SVOPL: variants seen among roughly 807,000 people sequenced by gnomAD.
SVOPL encodes the protein SVOP like.
SVOPL carries 60 observed loss-of-function variants against 61.0 expected under a neutral mutation model. The observed-to-expected ratio is 0.98, with a 90% CI of 0.80 to 1.22. SVOPL has a LOEUF of 1.22. Among genes scored for constraint, SVOPL ranks in the 50% most tolerant of loss-of-function variants. The probability of loss-of-function intolerance (pLI) is 0.00; values close to 1 mark genes in which losing one functional copy is unlikely to be tolerated. For synonymous variants in SVOPL, 279 were observed against 250.0 expected, an observed-to-expected ratio of 1.12 and a Z score of -1.09; for missense variants, 662 against 643.9, an observed-to-expected ratio of 1.03 and a Z score of -0.30.
rs566861128 is a variant in SVOPL at position 138,609,809 on chromosome 7, T to G, written c.1353+11237A>C. On this transcript the variant is annotated intron_variant, in intron 14 of 15. Coordinates refer to ENST00000674285, the MANE Select transcript of SVOPL (RefSeq NM_001139456.2). ...ATGCAGTGGCGTGATCTCAGCTCAC[T>G]GCAACCTCCACCTCCCAGTTTCAAT... 1.1e-4 allele frequency among the ~76,000 whole-genome samples: 16 copies of G among 152,066 alleles called. No individual in the cohort carries two copies. The South Asian group carries it at 3.3e-3, about 32-fold the overall frequency.
intron 7 of SVOPL, among the ~76,000 whole-genome samples, chr7:138,651,706 A>T (rs2117034412): frequency 6.6e-6 from 1 of 152,230 alleles, no homozygotes; most frequent in South Asian, 2.1e-4. Context: ...GTTTGGGGGC[A>T]CCGCAAACTG....
At chr7:138,676,321 G>A (rs1395476228) in intron 3 of SVOPL, among the ~76,000 whole-genome samples, 2 of 152,198 alleles carry the variant, frequency 1.3e-5, no homozygotes, top group African/African-American at 4.8e-5. Flanking sequence ...CTGAGACTGG[G>A]CAATTTATAA....
In SVOPL at chr7:138,648,913, CT is replaced by C. The variant is rs1271955819; in HGVS notation, c.660+98del. 5 of 1,545,184 alleles carry C rather than the reference CT, an allele frequency of 3.2e-6. No homozygotes were observed. The African/African-American group carries it at 6.8e-5, about 21-fold the overall frequency. ...CTGCAGCCTGGACAACAAAGAGAGA[CT>C]CTGTCTCGAGGGGGAAAATAAAAGA... On this transcript the variant is annotated intron_variant, in intron 8 of 15. Transcript: ENST00000674285.
intron 1 of SVOPL, among the ~76,000 whole-genome samples, chr7:138,693,529 AAAAGAAAG>A (rs745407235): frequency 0.017 from 1,982 of 117,162 alleles, 25 homozygotes; most frequent in South Asian, 0.023. Context: ...AAAAGAAAGA[AAAAGAAAG>A]AAAGAAAGAA....
At chr7:138,600,832 G>A (rs11981542) in intron 14 of SVOPL, among the ~76,000 whole-genome samples, 11,618 of 152,050 alleles carry the variant, frequency 0.076, 614 homozygotes, top group African/African-American at 0.14. Context: ...AAGCTTTGGC[G>A]AGAATGTAGA....
At position 138,594,656 on chromosome 7, in the gene SVOPL, CTT is replaced by C. The variant is rs775816893; in HGVS notation, c.1468-37_1468-36del. On this transcript the variant is annotated intron_variant, in intron 15 of 15. Transcript: ENST00000674285. ...AGTTATTTAATAGATCAGTAATAGA[CTT>C]TTTAAAAGTCTTGTCCATTCATACT... 5.2e-5 allele frequency: 80 copies of C among 1,533,728 alleles called. 1 individual carries two copies. In the South Asian group the frequency reaches 8.4e-4, roughly 16 times the overall value.
At chr7:138,658,618 C>A (rs34819000) in intron 6 of SVOPL, among the ~76,000 whole-genome samples, 47,611 of 151,874 alleles carry the variant, frequency 0.31, 9,477 homozygotes, top group African/African-American at 0.56. Flanking sequence ...GTTAGTATTT[C>A]CTGTAACAAA....
intron 12 of SVOPL, among the ~76,000 whole-genome samples, chr7:138,626,723 G>A (rs1563100038): frequency 1.3e-5 from 2 of 152,032 alleles, no homozygotes; most frequent in Admixed American, 6.6e-5. Context: ...GTGTGTGCCT[G>A]TAGTCCTAGC....
Position 138,597,504 on chromosome 7 carries a change from C to T in SVOPL, c.1354-974G>A, listed in dbSNP as rs1186799534. Among the ~76,000 whole-genome samples the T allele has an allele frequency of 2.0e-5, 3 of 152,164 alleles. No individual in the cohort carries two copies. In the South Asian group the frequency reaches 6.2e-4, roughly 32 times the overall value. Reference sequence around the variant, plus strand: ...TTCCAAAACACTAAATAATTCCACTCACCGTGCAAACAGAACCCACAACAT... The same window carrying T: ...TTCCAAAACACTAAATAATTCCACTTACCGTGCAAACAGAACCCACAACAT... On this transcript the variant is annotated intron_variant, in intron 14 of 15. Transcript: ENST00000674285.
At chr7:138,615,383 C>T (rs897267903) in intron 14 of SVOPL, among the ~76,000 whole-genome samples, 1 of 152,046 alleles carries the variant, frequency 6.6e-6, no homozygotes, top group Non-Finnish European at 1.5e-5. Context: ...CAGTGAAACC[C>T]GGTCTCTACT....
intron 1 of SVOPL, among the ~76,000 whole-genome samples, chr7:138,695,154 A>G (rs1031394354): frequency 5.3e-5 from 8 of 152,340 alleles, no homozygotes; most frequent in African/African-American, 1.9e-4. Flanking sequence ...ACTAGGTATC[A>G]GACAATAAAA....
At chr7:138,620,737 C>T (rs1799526796) in intron 14 of SVOPL, among the ~76,000 whole-genome samples, 1 of 152,206 alleles carries the variant, frequency 6.6e-6, no homozygotes, top group Non-Finnish European at 1.5e-5. Flanking sequence ...TTAGTGCCCA[C>T]TGTCATTCAA....
At chr7:138,633,747 G>C (rs951413886) in intron 9 of SVOPL, among the ~76,000 whole-genome samples, 1 of 152,130 alleles carries the variant, frequency 6.6e-6, no homozygotes, top group Admixed American at 6.5e-5. Flanking sequence ...GATGAATATG[G>C]GGAAGGTTCA....
At chr7:138,633,259 T>G (rs1800301487) in intron 9 of SVOPL, among the ~76,000 whole-genome samples, 2 of 152,198 alleles carry the variant, frequency 1.3e-5, no homozygotes, top group Non-Finnish European at 1.5e-5. Context: ...AGTTTGGATA[T>G]TTGTCCCCTC....
At chr7:138,693,549 G>GAAAGAAAGAAAGAAAGAA in intron 1 of SVOPL, among the ~76,000 whole-genome samples, 1 of 92,022 alleles carries the variant, frequency 1.1e-5, no homozygotes, top group Non-Finnish European at 2.1e-5. Flanking sequence ...AAGAAAGAAA[G>GAAAGAAAGAAAGAAAGAA]AAAGAAAGAA....
chr7:138,681,231 T>C (rs1272974530), intron 1 of SVOPL, among the ~76,000 whole-genome samples: 1 of 148,024 alleles, frequency 6.8e-6, no homozygotes, highest in Non-Finnish European at 1.5e-5. Context: ...ATTATTATTA[T>C]ATAACATATA....
intron 4 of SVOPL, among the ~76,000 whole-genome samples, chr7:138,665,961 A>C (rs1468205644): frequency 6.6e-6 from 1 of 152,196 alleles, no homozygotes; most frequent in Non-Finnish European, 1.5e-5. Flanking sequence ...TGATCGCTTG[A>C]GCCCAGGAGC....
At chr7:138,656,914 T>C (rs1467184826) in intron 6 of SVOPL, among the ~76,000 whole-genome samples, 9 of 152,060 alleles carry the variant, frequency 5.9e-5, no homozygotes, top group Admixed American at 5.9e-4. Context: ...TGGTGGCGCA[T>C]GCCTGTAGTC....
intron 1 of SVOPL, among the ~76,000 whole-genome samples, chr7:138,688,105 C>T (rs952724482): frequency 2.0e-5 from 3 of 152,042 alleles, no homozygotes; most frequent in African/African-American, 7.2e-5. Flanking sequence ...CTAGTGACAA[C>T]CTAATTTTTC....
Sources: gnomAD v4.1 joint callset for allele counts (sites outside exome capture counted in the v4.1 genomes callset) on GRCh38, gnomAD v4.1.1 for gene constraint, MANE v1.5 for transcripts, NCBI Gene and HGNC (gene_info 2026-07-23, HGNC 2026-07-21) for gene names.